The following GPC5 variants were observed in gnomAD, a reference collection of about 807,000 sequenced individuals.
The protein encoded by GPC5 is glypican-5.
A neutral mutation model predicts 53.9 loss-of-function variants in GPC5; 47 were observed. That is an observed-to-expected ratio of 0.87 (90% confidence interval 0.69 to 1.11). The LOEUF (loss-of-function observed/expected upper bound fraction) is 1.11, where lower values mean the gene tolerates loss of function less well. Ranked by LOEUF, GPC5 falls within the 50% of genes most tolerant of loss-of-function variation. GPC5 has a pLI of 0.00. For missense variants in GPC5, 748 were observed against 713.1 expected (o/e 1.05, Z -0.56); for synonymous variants, 286 against 263.3 (o/e 1.09, Z -0.84).
At chr13:92,457,939 C>T (rs995424463) in intron 7 of GPC5, among the ~76,000 whole-genome samples, 2 of 152,072 alleles carry the variant, frequency 1.3e-5, no homozygotes, top group Non-Finnish European at 2.9e-5. Flanking sequence ...CTCTGTCCTG[C>T]GTTGTACCTA....
intron 2 of GPC5, among the ~76,000 whole-genome samples, chr13:91,498,238 G>GC (rs1322604476): frequency 1.2e-5 from 1 of 85,128 alleles, no homozygotes; most frequent in Non-Finnish European, 2.2e-5. Context: ...TCTACCCAAA[G>GC]ATTTTTTTTT....
At chr13:92,435,566 A>C (rs1173898865) in intron 7 of GPC5, among the ~76,000 whole-genome samples, 1 of 152,226 alleles carries the variant, frequency 6.6e-6, no homozygotes, top group African/African-American at 2.4e-5. Flanking sequence ...TGATGTGAGC[A>C]AAGGCTTTAC....
chr13:92,794,455 T>C (rs1876582227), intron 7 of GPC5, among the ~76,000 whole-genome samples: 1 of 152,220 alleles, frequency 6.6e-6, no homozygotes, highest in South Asian at 2.1e-4. Flanking sequence ...CTGGAAGCAT[T>C]CCCTTTGAAA....
In GPC5 at chr13:91,726,862, C is replaced by G. The variant is rs143987165; in HGVS notation, c.1021-1670C>G. ...TTTCTCATGTGGAAATCTGAAGCAG[C>G]GCTTTCCCTGCTTGGAAGCTTTTGC... On this transcript the variant is annotated intron_variant, in intron 3 of 7. Transcript: ENST00000377067. Among the ~76,000 whole-genome samples the G allele has an allele frequency of 5.0e-3, 765 of 152,320 alleles. 5 individuals carry two copies. Among genetic ancestry groups the G allele is most frequent in the Middle Eastern group, 0.048 (14 of 294 alleles).
chr13:91,522,765 G>A (rs1241103870), intron 2 of GPC5, among the ~76,000 whole-genome samples: 2 of 152,130 alleles, frequency 1.3e-5, no homozygotes, highest in Non-Finnish European at 2.9e-5. Flanking sequence ...AACATGTGGT[G>A]TTTGGTTTTC....
chr13:92,458,360 G>A (rs910711012), intron 7 of GPC5, among the ~76,000 whole-genome samples: 7 of 151,956 alleles, frequency 4.6e-5, no homozygotes, highest in South Asian at 2.1e-4. Flanking sequence ...GTGCAGTGGC[G>A]CGATCTTGAC....
At chr13:91,831,269 A>G (rs1389674328) in intron 5 of GPC5, among the ~76,000 whole-genome samples, 1 of 151,470 alleles carries the variant, frequency 6.6e-6, no homozygotes, top group Non-Finnish European at 1.5e-5. Context: ...CATGAGAGAA[A>G]GATGCAGGCT....
chr13:91,907,735 T>C (rs1594655875), intron 5 of GPC5, among the ~76,000 whole-genome samples: 1 of 152,004 alleles, frequency 6.6e-6, no homozygotes, highest in Non-Finnish European at 1.5e-5. Flanking sequence ...ACATTATTTT[T>C]AGATTGATCT....
intron 7 of GPC5, among the ~76,000 whole-genome samples, chr13:92,285,093 T>C (rs946755839): frequency 2.0e-5 from 3 of 151,938 alleles, no homozygotes; most frequent in Admixed American, 6.6e-5. Flanking sequence ...TCTTATACAC[T>C]AATAACAGAC....
At position 91,688,715 on chromosome 13, in the gene GPC5, A is replaced by C. The variant is rs534642497; in HGVS notation, c.326-4472A>C. 2.0e-3 allele frequency among the ~76,000 whole-genome samples: 305 copies of C among 152,268 alleles called. 1 individual carries two copies. Among genetic ancestry groups the C allele is most frequent in the African/African-American group, 7.0e-3 (291 of 41,566 alleles). On this transcript the variant is annotated intron_variant, in intron 2 of 7. Transcript: ENST00000377067. ...TAACAGACTATACTTACACAGATCT[A>C]GACCTTAGAGTCTGCTACACACCTA...
intron 7 of GPC5, among the ~76,000 whole-genome samples, chr13:92,464,096 A>C (rs1487378877): frequency 1.3e-5 from 2 of 152,326 alleles, no homozygotes; most frequent in Admixed American, 1.3e-4. Flanking sequence ...GAGGAAAATG[A>C]GACTTAAGAA....
At chr13:92,814,322 A>G (rs1453540580) in intron 7 of GPC5, among the ~76,000 whole-genome samples, 1 of 151,918 alleles carries the variant, frequency 6.6e-6, no homozygotes, top group East Asian at 1.9e-4. Flanking sequence ...CTTCTTAGAT[A>G]TGGAAAACAA....
intron 7 of GPC5, among the ~76,000 whole-genome samples, chr13:92,267,725 GT>G (rs2042812296): frequency 6.6e-6 from 1 of 151,960 alleles, no homozygotes; most frequent in Non-Finnish European, 1.5e-5. Flanking sequence ...TGTAAATAAA[GT>G]TTTATTGGAA....
chr13:91,717,422 A>C (rs981583129), intron 3 of GPC5, among the ~76,000 whole-genome samples: 3 of 152,160 alleles, frequency 2.0e-5, no homozygotes, highest in African/African-American at 7.2e-5. Context: ...AGTGTTGGAG[A>C]GAAAGTCGGC....
At chr13:91,522,540 T>C (rs1284956036) in intron 2 of GPC5, among the ~76,000 whole-genome samples, 1 of 152,212 alleles carries the variant, frequency 6.6e-6, no homozygotes, top group Non-Finnish European at 1.5e-5. Flanking sequence ...AAATTATACT[T>C]TAAGTTCTAG....
chr13:92,397,932 A>G (rs143648805), intron 7 of GPC5, among the ~76,000 whole-genome samples: 320 of 152,284 alleles, frequency 2.1e-3, no homozygotes, highest in African/African-American at 7.3e-3. Context: ...TACTATATCA[A>G]AATATACAGG....
chr13:92,771,022 T>C (rs554567993), intron 7 of GPC5, among the ~76,000 whole-genome samples: 1 of 152,184 alleles, frequency 6.6e-6, no homozygotes, highest in South Asian at 2.1e-4. Flanking sequence ...TGGGTGGTGG[T>C]AAAAGTCCTG....
intron 2 of GPC5, among the ~76,000 whole-genome samples, chr13:91,453,377 G>GTA (rs745838283): frequency 6.8e-4 from 103 of 151,788 alleles, no homozygotes; most frequent in East Asian, 2.9e-3. Flanking sequence ...AAGTATATAT[G>GTA]TATATATATA....
At chr13:92,450,166 G>T (rs762299253) in intron 7 of GPC5, among the ~76,000 whole-genome samples, 1 of 151,980 alleles carries the variant, frequency 6.6e-6, no homozygotes. Flanking sequence ...AAAAGAAATT[G>T]GGAGAAGATA....
Sources: gnomAD v4.1 joint callset for allele counts (sites outside exome capture counted in the v4.1 genomes callset) on GRCh38, gnomAD v4.1.1 for gene constraint, MANE v1.5 for transcripts, NCBI Gene and HGNC (gene_info 2026-07-23, HGNC 2026-07-21) for gene names.